The following MMAB variants were observed in gnomAD, a reference collection of about 807,000 sequenced individuals.
MMAB encodes the protein metabolism of cobalamin associated B.
A neutral mutation model predicts 30.6 loss-of-function variants in MMAB; 17 were observed. That is an observed-to-expected ratio of 0.56 (90% CI 0.38 to 0.83). The LOEUF (loss-of-function observed/expected upper bound fraction) is 0.83, where lower values mean the gene tolerates loss of function less well. MMAB is among the 40% of genes least tolerant of loss of function. The pLI is 0.00. For missense variants in MMAB, 311 were observed against 331.6 expected (o/e 0.94, Z 0.48); for synonymous variants, 134 against 138.6 (o/e 0.97, Z 0.23).
intron 2 of MMAB, among the ~76,000 whole-genome samples, chr12:109,571,045 T>A (rs552754915): frequency 1.6e-3 from 241 of 152,266 alleles, no homozygotes; most frequent in African/African-American, 5.5e-3. Context: ...TTTGTTCCCC[T>A]CTCACAACTT....
At position 109,561,168 on chromosome 12, in the gene MMAB, C is replaced by T. The variant is rs1162887831; in HGVS notation, c.520-64G>A. The T allele has an allele frequency of 2.2e-5, 35 of 1,598,122 alleles. No individual in the cohort carries two copies. The highest frequency in any genetic ancestry group is 3.0e-5 in the Non-Finnish European group (35 of 1,176,828). ...AAGGTGTGCCCACTGCGGACAGGAG[C>T]TCCTCTGAAGTCCAGCCCTGCCCCC... On this transcript the variant is annotated intron_variant, in intron 6 of 8. Coordinates refer to ENST00000545712, the MANE Select transcript of MMAB (RefSeq NM_052845.4). The surrounding 1 kb of genome is among the most constrained non-coding windows in gnomAD (Gnocchi z 5.3).
At chr12:109,564,869 G>T (rs900232150) in intron 4 of MMAB, 4 of 599,834 alleles carry the variant, frequency 6.7e-6, no homozygotes, top group African/African-American at 5.6e-5. Flanking sequence ...TGTAGAGTCA[G>T]GGTCTTATTA....
intron 1 of MMAB, 23 bp downstream of exon 1, chr12:109,573,324 T>C (rs758642093): frequency 6.2e-7 from 1 of 1,611,824 alleles, no homozygotes; most frequent in African/African-American, 1.3e-5. Context: ...GTGTTCGAGT[T>C]GCCCTTCCCG....
At chr12:109,560,911 G>T in intron 7 of MMAB, 129 bp downstream of exon 7, 1 of 930,280 alleles carries the variant, frequency 1.1e-6, no homozygotes, top group Non-Finnish European at 1.7e-6. Flanking sequence ...TGCTGTACCT[G>T]CCTCCTGCCC....
At position 109,556,983 on chromosome 12, in the gene MMAB, G is replaced by T; in HGVS notation, c.*45C>A. On this transcript the variant is annotated 3_prime_UTR_variant, in exon 9 of 9. Transcript: ENST00000545712. ...AGAAGGGCAAGCTCCTCTCTCCACG[G>T]CCATCGCCATGGAGGGATCCTCCAA... The T allele has an allele frequency of 7.5e-7, 1 of 1,328,746 alleles. No homozygotes were observed. The highest frequency in any genetic ancestry group is 1.1e-6 in the Non-Finnish European group (1 of 922,218). 82.3% of individuals were successfully genotyped at this position (1,328,746 alleles called of 1,614,324 possible).
rs1883914993 is a variant in MMAB, at chr12:109,555,097, TA to T, written c.*1930del. ...TTGTATTTACTCAAAAAGCTTTCCT[TA>T]TCCTTTGGAGGCTGTGCTTTCCCAT... On this transcript the variant is annotated 3_prime_UTR_variant, in exon 9 of 9. Transcript: ENST00000545712. 2.2e-6 allele frequency: 1 copy of T among 453,906 alleles called. No homozygotes were observed. 28.1% of individuals were successfully genotyped at this position (453,906 alleles called of 1,614,324 possible).
At position 109,565,147 on chromosome 12, in the gene MMAB, C is replaced by A. The variant is rs1274386577; in HGVS notation, c.320G>T (p.Gly107Val). 1 of 1,613,974 alleles carries A rather than the reference C, an allele frequency of 6.2e-7. No individual in the cohort carries two copies. Among genetic ancestry groups the A allele is most frequent in the Non-Finnish European group, 8.5e-7 (1 of 1,179,940 alleles). The change falls in exon 4 of 9, where the codon GGC becomes GTC. Residue 107 changes from glycine to valine, a missense_variant. Gly to Val is a moderately radical substitution (Grantham distance 109). Transcript: ENST00000545712. ...GFALELVTEKGHTFAEELQKI... is the reference protein window; with the variant it reads ...GFALELVTEKVHTFAEELQKI... ...CTGAAGCTCTTCGGCAAATGTATGG[C>A]CCTTTTCTGTGACTAATTCCAGAGC...
chr12:109,556,050 G>A lies in MMAB; in HGVS notation c.*978C>T, dbSNP rs1161409413. On this transcript the variant is annotated 3_prime_UTR_variant, in exon 9 of 9. Coordinates refer to ENST00000545712, the MANE Select transcript of MMAB (RefSeq NM_052845.4). Reference sequence around the variant, plus strand: ...GCAGCCTGCAGTCTTTAGGTTCTTGGGGCTGCCTCTTCTGCCCTTCATAAA... The same window carrying A: ...GCAGCCTGCAGTCTTTAGGTTCTTGAGGCTGCCTCTTCTGCCCTTCATAAA... 2.2e-6 allele frequency: 1 copy of A among 453,892 alleles called. No homozygotes were observed. Among genetic ancestry groups the A allele is most frequent in the African/African-American group, 2.0e-5 (1 of 49,944 alleles). The allele number at this position is 453,892 out of a possible 1,614,324, so 28.1% of individuals were successfully genotyped here.
At chr12:109,563,524 C>G (rs1036150726) in intron 4 of MMAB, among the ~76,000 whole-genome samples, 5 of 152,334 alleles carry the variant, frequency 3.3e-5, no homozygotes, top group African/African-American at 1.2e-4. Flanking sequence ...GATGGGTGAA[C>G]AGGTTAACAC....
intron 3 of MMAB, chr12:109,567,011 C>G (rs979118028): frequency 6.6e-6 from 3 of 456,006 alleles, no homozygotes; most frequent in East Asian, 1.4e-4. Flanking sequence ...AAAATCTCAC[C>G]TAGTCAGGCC....
chr12:109,561,347 T>G lies in MMAB; in HGVS notation c.519+73A>C, dbSNP rs1279687166. The G allele has an allele frequency of 4.5e-6, 7 of 1,541,776 alleles. No individual in the cohort carries two copies. The Admixed American group carries it at 1.2e-4, about 26-fold the overall frequency. ...GTCTGTCACTGTGAAAAGAGGGATT[T>G]ATTCAGAGCCCATGTGTGTCTGTCA... On this transcript the variant is annotated intron_variant, in intron 6 of 8. Coordinates refer to ENST00000545712, the MANE Select transcript of MMAB (RefSeq NM_052845.4). This position sits in a 1 kb window ranked among gnomAD's most constrained non-coding sequence, Gnocchi z 5.3.
Position 109,556,327 on chromosome 12 carries a change from C to A in MMAB, c.*701G>T. ...CAACCAGACAGGGAATGTTCACCTTCAAGTGGTAGTGTTGTTCTCATCAGC... is the reference window on the plus strand; with the variant it reads ...CAACCAGACAGGGAATGTTCACCTTAAAGTGGTAGTGTTGTTCTCATCAGC... On this transcript the variant is annotated 3_prime_UTR_variant, in exon 9 of 9. Transcript: ENST00000545712. 1 of 453,566 alleles carries A rather than the reference C, an allele frequency of 2.2e-6. No homozygotes were observed. The allele number at this position is 453,566 out of a possible 1,614,324, so 28.1% of individuals were successfully genotyped here.
chr12:109,572,063 T>C (rs186014466), intron 1 of MMAB, among the ~76,000 whole-genome samples: 1 of 152,290 alleles, frequency 6.6e-6, no homozygotes, highest in East Asian at 1.9e-4. Flanking sequence ...TCCTGGAATC[T>C]TTCCACAACC....
At chr12:109,557,551 A>C (rs1034118832) in intron 8 of MMAB, among the ~76,000 whole-genome samples, 2 of 152,094 alleles carry the variant, frequency 1.3e-5, no homozygotes, top group African/African-American at 4.8e-5. Flanking sequence ...CTGACTCAGG[A>C]GGGCTGGGCT....
chr12:109,562,095 A>C lies in MMAB; in HGVS notation c.349-243T>G, dbSNP rs188500476. Among the ~76,000 whole-genome samples the C allele has an allele frequency of 2.0e-4, 31 of 152,296 alleles. No individual in the cohort carries two copies. The East Asian group carries it at 4.1e-3, about 20-fold the overall frequency. On this transcript the variant is annotated intron_variant, in intron 4 of 8. Coordinates refer to ENST00000545712, the MANE Select transcript of MMAB (RefSeq NM_052845.4). ...GGGTAGTTTTGAATGGTTTAGCCCCAGCCCCCTAGTGCTGTCTTGTGATAG... is the reference window on the plus strand; with the variant it reads ...GGGTAGTTTTGAATGGTTTAGCCCCCGCCCCCTAGTGCTGTCTTGTGATAG...
chr12:109,567,595 C>A (rs1369275967), intron 3 of MMAB, among the ~76,000 whole-genome samples: 2 of 152,134 alleles, frequency 1.3e-5, no homozygotes, highest in South Asian at 2.1e-4. Context: ...CAGGCTCTGG[C>A]CGCTGAAATG....
rs894746690 is a variant in MMAB, at chr12:109,554,456, G to A, written c.*2572C>T. On this transcript the variant is annotated 3_prime_UTR_variant, in exon 9 of 9. Transcript: ENST00000545712. ...GGAAGTGCCCACAAACTCAGGGATC[G>A]AGTAGTATTTGTGTGCAATATTTTC... The A allele has an allele frequency of 1.3e-5, 6 of 453,932 alleles. No individual in the cohort carries two copies. Among genetic ancestry groups the A allele is most frequent in the East Asian group, 6.9e-5 (1 of 14,408 alleles). 28.1% of individuals were successfully genotyped at this position (453,932 alleles called of 1,614,324 possible). A position where few individuals can be genotyped will look rare whatever the true frequency, so the allele number is the denominator to read the frequency against.
chr12:109,566,185 C>G (rs1208268771), intron 3 of MMAB, among the ~76,000 whole-genome samples: 1 of 152,248 alleles, frequency 6.6e-6, no homozygotes, highest in Non-Finnish European at 1.5e-5. Context: ...CTCATGAGCT[C>G]TCTGCACTCA....
At chr12:109,572,852 A>C (rs1884700835) in intron 1 of MMAB, among the ~76,000 whole-genome samples, 1 of 152,238 alleles carries the variant, frequency 6.6e-6, no homozygotes, top group Admixed American at 6.5e-5. Flanking sequence ...TTTTCAAAAA[A>C]CAATGTAAAC....
Sources: gnomAD v4.1 joint callset for allele counts (sites outside exome capture counted in the v4.1 genomes callset) on GRCh38, gnomAD v4.1.1 for gene constraint, Gnocchi (gnomAD v3.1) non-coding constraint, MANE v1.5 for transcripts, NCBI Gene and HGNC (gene_info 2026-07-23, HGNC 2026-07-21) for gene names.